The following VAV1 variants were observed in gnomAD, a reference collection of about 807,000 sequenced individuals.
The protein encoded by VAV1 is proto-oncogene vav.
VAV1 carries 33 observed loss-of-function variants against 128.1 expected under a neutral mutation model. The ratio of observed to expected loss-of-function variants is 0.26; its 90% CI spans 0.20 to 0.34. The LOEUF is 0.34. Ranked by LOEUF, VAV1 falls within the 10% of genes least tolerant of loss-of-function variation. VAV1 has a pLI of 1.00. For missense variants in VAV1, 715 were observed against 1,093.7 expected (o/e 0.65, Z 4.88); for synonymous variants, 394 against 409.8 (o/e 0.96, Z 0.47).
In VAV1 at chr19:6,822,071, G is replaced by T; in HGVS notation, c.450-150G>T. ...CTGGGGTCTTGGGGGACATGGCCCTGCCCTGGAGCTTGGAGGGACATGGCC... is the reference window on the plus strand; with the variant it reads ...CTGGGGTCTTGGGGGACATGGCCCTTCCCTGGAGCTTGGAGGGACATGGCC... On this transcript the variant is annotated intron_variant, in intron 4 of 26. Coordinates refer to ENST00000602142, the MANE Select transcript of VAV1 (RefSeq NM_005428.4). The surrounding 1 kb of genome is among the most constrained non-coding windows in gnomAD (Gnocchi z 5.9). The T allele has an allele frequency of 1.0e-6, 1 of 984,554 alleles. No homozygotes were observed. The allele number at this position is 984,554 out of a possible 1,614,324, so 61.0% of individuals were successfully genotyped here. A position where few individuals can be genotyped will look rare whatever the true frequency, so the allele number is the denominator to read the frequency against.
chr19:6,805,254 G>A (rs768206590), intron 1 of VAV1, among the ~76,000 whole-genome samples: 1 of 150,154 alleles, frequency 6.7e-6, no homozygotes, highest in African/African-American at 2.5e-5. Context: ...GTGAAACCCC[G>A]TCTCTACTAA....
At chr19:6,833,504 C>T in intron 16 of VAV1, 24 bp from the exon 17 acceptor site, 1 of 1,576,410 alleles carries the variant, frequency 6.3e-7, no homozygotes, top group Middle Eastern at 1.8e-4. Context: ...ACTCGCTCTT[C>T]TTTATGTGTT....
chr19:6,814,695 T>TCTTTCTTTCTTTCTTTCTTC (rs1568299326), intron 1 of VAV1, among the ~76,000 whole-genome samples: 1 of 121,126 alleles, frequency 8.3e-6, no homozygotes, highest in East Asian at 2.2e-4. Context: ...TTTCTTTCTT[T>TCTTTCTTTCTTTCTTTCTTC]CTTTCTTTCT....
Position 6,829,855 on chromosome 19 carries a change from C to G in VAV1, c.1335C>G (p.Asp445Glu), listed in dbSNP as rs1294945264. Residue 445 changes from aspartate (D) to glutamate (E), a missense_variant, in exon 14 of 27, where the codon GAC becomes GAG. Asp to Glu is a conservative substitution (Grantham distance 45). Transcript: ENST00000602142. ...GGGGAGACTCCTATGACCTCAAGGA[C>G]TTTGTAAACCTGCACAGCTTCCAGG... is the stretch of plus-strand genomic sequence containing the variant. The part of the protein sequence containing the change: ...KRRGDSYDLK[D>E]FVNLHSFQVR... 1 of 1,614,186 alleles carries G rather than the reference C, an allele frequency of 6.2e-7. No homozygotes were observed. Among genetic ancestry groups the G allele is most frequent in the Non-Finnish European group, 8.5e-7 (1 of 1,180,016 alleles).
intron 20 of VAV1, 149 bp downstream of exon 20, chr19:6,836,717 G>A (rs1048338161): frequency 5.3e-6 from 7 of 1,329,060 alleles, no homozygotes; most frequent in Admixed American, 2.5e-5. Context: ...TTCTGGGCAT[G>A]GCTTTTCTGA....
At position 6,828,454 on chromosome 19, in the gene VAV1, G is replaced by T. The variant is rs1485237675; in HGVS notation, c.1059G>T (p.Lys353Asn). The change falls in exon 11 of 27, where the codon AAG becomes AAT. Residue 353 changes from lysine to asparagine, a missense_variant. Physicochemically the swap from Lys to Asn is moderately conservative, Grantham distance 94. Coordinates refer to ENST00000602142, the MANE Select transcript of VAV1 (RefSeq NM_005428.4). The surrounding 1 kb of genome is among the most constrained non-coding windows in gnomAD (Gnocchi z 4.5). ...LVKHTQEAME[K>N]ENLRLALDAM... Reference sequence around the variant, plus strand: ...AACACACGCAGGAGGCGATGGAGAAGGAGAACCTGCGGCTGGCCCTGGATG... The same window carrying T: ...AACACACGCAGGAGGCGATGGAGAATGAGAACCTGCGGCTGGCCCTGGATG... The T allele has an allele frequency of 6.2e-7, 1 of 1,614,204 alleles. No individual in the cohort carries two copies. Among genetic ancestry groups the T allele is most frequent in the African/African-American group, 1.3e-5 (1 of 75,056 alleles).
intron 19 of VAV1, 66 bp downstream of exon 19, chr19:6,834,019 G>T: frequency 6.2e-7 from 1 of 1,606,700 alleles, no homozygotes; most frequent in South Asian, 1.1e-5. Flanking sequence ...GTTGACCCAG[G>T]GACAGATCTC....
At chr19:6,788,131 A>G (rs1448650548) in intron 1 of VAV1, among the ~76,000 whole-genome samples, 3 of 151,844 alleles carry the variant, frequency 2.0e-5, no homozygotes, top group Non-Finnish European at 4.4e-5. Flanking sequence ...GATGGACCTC[A>G]CTGTGTTGCT....
At chr19:6,793,907 G>T (rs2546132) in intron 1 of VAV1, among the ~76,000 whole-genome samples, 33,400 of 151,902 alleles carry the variant, frequency 0.22, 3,873 homozygotes, top group African/African-American at 0.3. Flanking sequence ...GTCGTAAAGT[G>T]CTTCAAGCAG....
Position 6,810,218 on chromosome 19 carries a change from A to G in VAV1, c.205-10484A>G, listed in dbSNP as rs542520973. Among the ~76,000 whole-genome samples the G allele has an allele frequency of 2.6e-5, 4 of 151,902 alleles. 1 individual carries two copies. The South Asian group carries it at 8.3e-4, about 32-fold the overall frequency. ...TAGCCAGGTGTGGTGGTGCATGCCC[A>G]TAGTCCCAGCTGCTCAGGAGGCTGA... On this transcript the variant is annotated intron_variant, in intron 1 of 26. Coordinates refer to ENST00000602142, the MANE Select transcript of VAV1 (RefSeq NM_005428.4).
intron 23 of VAV1, 109 bp from the exon 24 acceptor site, chr19:6,850,561 A>C (rs1972645398): frequency 1.0e-6 from 1 of 986,308 alleles, no homozygotes; most frequent in African/African-American, 1.6e-5. Context: ...TTTGGTTTCC[A>C]GTAGTTACTC....
In VAV1 at chr19:6,850,714, G is replaced by C; in HGVS notation, c.2174G>C (p.Gly725Ala). ...CACATTAAAATCATGACAGCAGAAG[G>C]ACTGTACCGGATCACAGAGAAAAAG... is the stretch of plus-strand genomic sequence containing the variant. ...VKHIKIMTAE[G>A]LYRITEKKAF... is the part of the protein sequence containing the mutation. The change falls in exon 24 of 27, where the codon GGA becomes GCA. Residue 725 changes from glycine to alanine, a missense_variant. Physicochemically the swap from Gly to Ala is moderately conservative, Grantham distance 60. Around this residue, in one of 3 missense-constraint regions of VAV1, gnomAD observed 407 missense variants for 580.6 expected, o/e 0.70. Transcript: ENST00000602142. 3.1e-6 allele frequency: 5 copies of C among 1,614,016 alleles called. No individual in the cohort carries two copies. The highest frequency in any genetic ancestry group is 3.4e-6 in the Non-Finnish European group (4 of 1,179,986).
rs139547177 is a variant in VAV1 at position 6,817,445 on chromosome 19, A to G, written c.205-3257A>G. On this transcript the variant is annotated intron_variant, in intron 1 of 26. Transcript: ENST00000602142. ...AGAATCACCTGAGGAGAGTGTTAAT[A>G]TGCAGATTCCCAGGCCCCACCTCCA... Among the ~76,000 whole-genome samples the G allele has an allele frequency of 3.0e-3, 464 of 152,196 alleles. 3 individuals carry two copies. In the Middle Eastern group the frequency reaches 0.041, roughly 13 times the overall value.
chr19:6,843,166 G>C lies in VAV1; in HGVS notation c.2012G>C (p.Trp671Ser). 6.2e-7 allele frequency: 1 copy of C among 1,614,086 alleles called. No homozygotes were observed. Among genetic ancestry groups the C allele is most frequent in the Non-Finnish European group, 8.5e-7 (1 of 1,179,994 alleles). Residue 671 changes from tryptophan (W) to serine (S), a missense_variant and splice_region_variant, in exon 22 of 27, where the codon TGG becomes TCG. Trp to Ser is a radical substitution (Grantham distance 177, BLOSUM62 -3). This residue lies in a region of VAV1 where 407 missense variants were observed against 580.6 expected (regional missense o/e 0.70). Coordinates refer to ENST00000602142, the MANE Select transcript of VAV1 (RefSeq NM_005428.4). ...CCTCAGGACCTGTCTGTTCATCTCT[G>C]GTGAGTAGAAACATTTATTTTTGTT... ...GPPQDLSVHL[W>S]YAGPMERAGA...
chr19:6,804,214 T>G (rs1016782511), intron 1 of VAV1, among the ~76,000 whole-genome samples: 1 of 150,028 alleles, frequency 6.7e-6, no homozygotes, highest in African/African-American at 2.4e-5. Context: ...AGCCCCAAAG[T>G]GGGGCTTAGC....
chr19:6,800,251 C>A (rs1971236545), intron 1 of VAV1, among the ~76,000 whole-genome samples: 1 of 151,988 alleles, frequency 6.6e-6, no homozygotes, highest in Non-Finnish European at 1.5e-5. Context: ...CAAAGTGGAT[C>A]TGCCATGTGA....
chr19:6,826,937 C>G lies in VAV1; in HGVS notation c.927+226C>G. The stretch of plus-strand genomic sequence containing the variant: ...CTGACCCCTGATATCAGGGTGAAGT[C>G]CTGACCCTGAACTGAGCTCTGATCT... On this transcript the variant is annotated intron_variant, in intron 9 of 26. Transcript: ENST00000602142. This position sits in a 1 kb window ranked among gnomAD's most constrained non-coding sequence, Gnocchi z 4.1. 1.7e-6 allele frequency: 1 copy of G among 574,858 alleles called. No individual in the cohort carries two copies. 35.6% of individuals were successfully genotyped at this position (574,858 alleles called of 1,614,324 possible).
rs1443639404 is a variant in VAV1 at position 6,822,206 on chromosome 19, C to T, written c.450-15C>T. The T allele has an allele frequency of 6.4e-7, 1 of 1,565,726 alleles. No homozygotes were observed. Among genetic ancestry groups the T allele is most frequent in the South Asian group, 1.2e-5 (1 of 85,172 alleles). On this transcript the variant is annotated splice_polypyrimidine_tract_variant and intron_variant, in intron 4 of 26. Transcript: ENST00000602142. This position sits in a 1 kb window ranked among gnomAD's most constrained non-coding sequence, Gnocchi z 5.9. ...TGGGAGAGGTCCAAGGGATCCCTGA[C>T]CTCACAACCCACAGCGACACGGTGG...
intron 1 of VAV1, among the ~76,000 whole-genome samples, chr19:6,775,965 G>C (rs1970611073): frequency 6.6e-6 from 1 of 151,996 alleles, no homozygotes; most frequent in Non-Finnish European, 1.5e-5. Flanking sequence ...TTGTTTCTTG[G>C]GAAGAGGGTG....
Sources: gnomAD v4.1 joint callset for allele counts (sites outside exome capture counted in the v4.1 genomes callset) on GRCh38, gnomAD v4.1.1 for gene constraint, gnomAD v4.1.1 regional missense constraint, Gnocchi (gnomAD v3.1) non-coding constraint, MANE v1.5 for transcripts, NCBI Gene and HGNC (gene_info 2026-07-23, HGNC 2026-07-21) for gene names.